Variants in MACROD2 observed in about 807,000 individuals in gnomAD.
The protein encoded by MACROD2 is ADP-ribose glycohydrolase MACROD2.
A neutral mutation model predicts 70.4 loss-of-function variants in MACROD2; 36 were observed. The ratio of observed to expected loss-of-function variants is 0.51; its 90% confidence interval spans 0.39 to 0.68. MACROD2 has a LOEUF of 0.68. Ranked by LOEUF, MACROD2 falls within the 30% of genes least tolerant of loss-of-function variation. The probability of loss-of-function intolerance (pLI) is 0.00; values close to 1 mark genes in which losing one functional copy is unlikely to be tolerated. For synonymous variants in MACROD2, 172 were observed against 178.8 expected (o/e 0.96, Z 0.30); for missense variants, 496 against 538.4 (o/e 0.92, Z 0.78).
intron 5 of MACROD2, among the ~76,000 whole-genome samples, chr20:15,152,528 T>G (rs1307808686): frequency 6.6e-6 from 1 of 151,756 alleles, no homozygotes; most frequent in Admixed American, 6.6e-5. Flanking sequence ...GGCACAGAGA[T>G]AAGAGGTCAG....
intron 5 of MACROD2, among the ~76,000 whole-genome samples, chr20:14,761,124 T>G (rs1185194819): frequency 1.3e-5 from 2 of 152,098 alleles, no homozygotes; most frequent in African/African-American, 4.8e-5. Flanking sequence ...CCCTTCCTGA[T>G]TCTCCCAGCT....
intron 5 of MACROD2, among the ~76,000 whole-genome samples, chr20:14,973,431 C>T (rs2074710334): frequency 6.6e-6 from 1 of 151,946 alleles, no homozygotes; most frequent in African/African-American, 2.4e-5. Flanking sequence ...CCATGTTGGC[C>T]AGGCTGGTCT....
chr20:15,312,584 A>T (rs6079744), intron 6 of MACROD2, among the ~76,000 whole-genome samples: 3 of 152,224 alleles, frequency 2.0e-5, no homozygotes, highest in African/African-American at 7.2e-5. Context: ...AGAACCGTGT[A>T]TATAGTATGC....
At chr20:15,144,195 A>G (rs1296599776) in intron 5 of MACROD2, among the ~76,000 whole-genome samples, 1 of 152,046 alleles carries the variant, frequency 6.6e-6, no homozygotes. Context: ...GGCTCAAGCA[A>G]TCCTCCTCCC....
At chr20:14,240,970 A>C (rs2081923969) in intron 3 of MACROD2, among the ~76,000 whole-genome samples, 1 of 152,164 alleles carries the variant, frequency 6.6e-6, no homozygotes, top group South Asian at 2.1e-4. Flanking sequence ...CTCTACTAAA[A>C]ATACAAAAAA....
chr20:14,514,843 C>T (rs6131589), intron 4 of MACROD2, among the ~76,000 whole-genome samples: 12,010 of 152,148 alleles, frequency 0.079, 592 homozygotes, highest in Admixed American at 0.15. Flanking sequence ...CTAGGACTTC[C>T]ATGGTAGATT....
chr20:15,808,475 TG>T (rs2063789226), intron 8 of MACROD2, among the ~76,000 whole-genome samples: 1 of 152,224 alleles, frequency 6.6e-6, no homozygotes, highest in Non-Finnish European at 1.5e-5. Flanking sequence ...GAATTCTACA[TG>T]CATACACAAA....
At chr20:15,251,541 G>A (rs956860121) in intron 6 of MACROD2, among the ~76,000 whole-genome samples, 2 of 152,172 alleles carry the variant, frequency 1.3e-5, no homozygotes, top group African/African-American at 4.8e-5. Flanking sequence ...GGTGTAAGTT[G>A]CATCAACGTC....
At chr20:15,551,868 C>CAA (rs5840671) in intron 8 of MACROD2, among the ~76,000 whole-genome samples, 11,428 of 121,450 alleles carry the variant, frequency 0.094, 971 homozygotes, top group African/African-American at 0.22. Context: ...GACCCTGCCT[C>CAA]AAAAAAAAAA....
chr20:15,570,359 T>C (rs2048361512), intron 8 of MACROD2, among the ~76,000 whole-genome samples: 1 of 152,202 alleles, frequency 6.6e-6, no homozygotes, highest in African/African-American at 2.4e-5. Context: ...TTTTAACCAG[T>C]CTGAGCAAAG....
At chr20:14,757,838 C>A in intron 5 of MACROD2, 1 of 1,524,188 alleles carries the variant, frequency 6.6e-7, no homozygotes, top group Non-Finnish European at 9.1e-7. Context: ...GCCTGCCACT[C>A]TATGCCGTAG....
rs537964887 is a variant in MACROD2 at position 15,134,443 on chromosome 20, T to C, written c.419-95497T>C. Among the ~76,000 whole-genome samples, 11 of 152,058 alleles carry C rather than the reference T, an allele frequency of 7.2e-5. No homozygotes were observed. In the East Asian group the frequency reaches 2.1e-3, roughly 30 times the overall value. On this transcript the variant is annotated intron_variant, in intron 5 of 17. Coordinates refer to ENST00000684519, the MANE Select transcript of MACROD2 (RefSeq NM_001351661.2). ...CAAAGCCGCTCAACTACATGGAAAC[T>C]GAACAACCTGCTCCTGAATCACTAC... is the stretch of plus-strand genomic sequence containing the variant.
In MACROD2 at chr20:14,874,223, T is replaced by A. The variant is rs188977647; in HGVS notation, c.418+189264T>A. Among the ~76,000 whole-genome samples, 438 of 152,084 alleles carry A rather than the reference T, an allele frequency of 2.9e-3. 2 individuals carry two copies. Among genetic ancestry groups the A allele is most frequent in the African/African-American group, 0.01 (425 of 41,524 alleles). On this transcript the variant is annotated intron_variant, in intron 5 of 17. Transcript: ENST00000684519. The stretch of plus-strand genomic sequence containing the variant: ...TTTTAAAAAAATAATTGTACAAAAA[T>A]CACAGAACCAGTAAAGAAATATCTG...
intron 5 of MACROD2, among the ~76,000 whole-genome samples, chr20:15,175,812 C>T (rs2076456740): frequency 6.6e-6 from 1 of 152,194 alleles, no homozygotes; most frequent in Non-Finnish European, 1.5e-5. Flanking sequence ...GCTGTGTGCT[C>T]CATAGAGCCA....
chr20:16,037,918 T>G (rs1345315653), intron 15 of MACROD2, among the ~76,000 whole-genome samples: 1 of 152,022 alleles, frequency 6.6e-6, no homozygotes, highest in African/African-American at 2.4e-5. Context: ...TTTGTCCACA[T>G]TACCTTTCAC....
intron 3 of MACROD2, among the ~76,000 whole-genome samples, chr20:14,296,744 G>A (rs2082430709): frequency 6.6e-6 from 1 of 151,986 alleles, no homozygotes; most frequent in African/African-American, 2.4e-5. Context: ...GGGAGTGCTT[G>A]CAGTGTTCTT....
rs189777711 is a variant in MACROD2, at chr20:14,294,810, T to A, written c.272-198669T>A. Among the ~76,000 whole-genome samples, 3 of 151,910 alleles carry A rather than the reference T, an allele frequency of 2.0e-5. No homozygotes were observed. In the East Asian group the frequency reaches 5.8e-4, roughly 29 times the overall value. ...AAAGTGAACCATATGTTTAGCAGGA[T>A]TTCTAATTGCTGTAAATGTCCATTG... is the stretch of plus-strand genomic sequence containing the variant. On this transcript the variant is annotated intron_variant, in intron 3 of 17. Coordinates refer to ENST00000684519, the MANE Select transcript of MACROD2 (RefSeq NM_001351661.2).
At chr20:14,021,885 T>G (rs1194239781) in intron 2 of MACROD2, among the ~76,000 whole-genome samples, 2 of 152,148 alleles carry the variant, frequency 1.3e-5, no homozygotes, top group Non-Finnish European at 2.9e-5. Context: ...GAGTTGAATG[T>G]CTTTAACATG....
chr20:14,489,150 T>A (rs369742112), intron 3 of MACROD2, among the ~76,000 whole-genome samples: 38 of 152,324 alleles, frequency 2.5e-4, no homozygotes, highest in African/African-American at 8.2e-4. Context: ...TACATGTGAA[T>A]CCGTTAAGCC....
Sources: allele counts gnomAD v4.1 joint callset (sites outside exome capture counted in the v4.1 genomes callset), GRCh38; gene constraint gnomAD v4.1.1; transcripts MANE v1.5; gene names NCBI Gene and HGNC (gene_info 2026-07-23, HGNC 2026-07-21).